RIC8B: variants seen among roughly 807,000 people sequenced by gnomAD.
RIC8B encodes the protein chaperone Ric-8B.
A neutral mutation model predicts 57.5 loss-of-function variants in RIC8B; 16 were observed. The observed-to-expected ratio is 0.28, with a 90% CI of 0.19 to 0.42. The LOEUF (loss-of-function observed/expected upper bound fraction) is 0.42. Ranked by LOEUF, RIC8B falls within the 10% of genes least tolerant of loss-of-function variation. The pLI is 1.00. For missense variants in RIC8B, 481 were observed against 677.0 expected, an observed-to-expected ratio of 0.71 and a Z score of 3.21; for synonymous variants, 216 against 250.8, an observed-to-expected ratio of 0.86 and a Z score of 1.31.
At chr12:106,796,307 G>C (rs2044480475) in intron 2 of RIC8B, among the ~76,000 whole-genome samples, 1 of 152,148 alleles carries the variant, frequency 6.6e-6, no homozygotes, top group Non-Finnish European at 1.5e-5. Context: ...GGAGGCCGAG[G>C]TGGGAGGGTC....
At chr12:106,824,400 TC>T (rs992485833) in intron 3 of RIC8B, among the ~76,000 whole-genome samples, 14 of 152,178 alleles carry the variant, frequency 9.2e-5, no homozygotes, top group Non-Finnish European at 1.9e-4. Context: ...CCTCTTCTCA[TC>T]CAGCTCTATA....
At chr12:106,799,368 T>C (rs988871594) in intron 2 of RIC8B, among the ~76,000 whole-genome samples, 1 of 152,232 alleles carries the variant, frequency 6.6e-6, no homozygotes, top group Non-Finnish European at 1.5e-5. Context: ...AGGTTTCTAA[T>C]ATATCATCTC....
At chr12:106,858,027 G>A (rs753580834) in intron 7 of RIC8B, among the ~76,000 whole-genome samples, 5 of 152,116 alleles carry the variant, frequency 3.3e-5, no homozygotes, top group Admixed American at 6.6e-5. Flanking sequence ...GAGTTGACAC[G>A]ATTTTCATAA....
chr12:106,881,745 G>C (rs1437099424), intron 9 of RIC8B, among the ~76,000 whole-genome samples: 3 of 152,056 alleles, frequency 2.0e-5, no homozygotes, highest in Admixed American at 2.0e-4. Flanking sequence ...GTGAGTCTCT[G>C]TACCAAATAT....
Position 106,886,987 on chromosome 12 carries a change from A to C in RIC8B, c.*972A>C, listed in dbSNP as rs1279796957. On this transcript the variant is annotated 3_prime_UTR_variant, in exon 10 of 10. Transcript: ENST00000392837. ...TTCTACGTTTCTACCATATGTGATC[A>C]GTTTAATAGTAACTTTATTTATTTA... 4 of 152,610 alleles carry C rather than the reference A, an allele frequency of 2.6e-5. No individual in the cohort carries two copies. The highest frequency in any genetic ancestry group is 2.6e-4 in the Admixed American group (4 of 15,270). The allele number at this position is 152,610 out of a possible 1,614,324, so 9.5% of individuals were successfully genotyped here. A position where few individuals can be genotyped will look rare whatever the true frequency, so the allele number is the denominator to read the frequency against.
At chr12:106,860,166 C>T (rs1949869834) in intron 7 of RIC8B, 102 bp from the exon 8 acceptor site, 2 of 987,956 alleles carry the variant, frequency 2.0e-6, no homozygotes, top group South Asian at 2.4e-5. Flanking sequence ...TAAAGGTTTA[C>T]TGCCATAGTG....
At chr12:106,857,245 C>T (rs903758314) in intron 7 of RIC8B, among the ~76,000 whole-genome samples, 13 of 152,068 alleles carry the variant, frequency 8.5e-5, no homozygotes, top group Admixed American at 1.3e-4. Flanking sequence ...GACACCAAGA[C>T]GAAGCCACTA....
chr12:106,871,643 C>T (rs1229025595), intron 9 of RIC8B: 2 of 152,104 alleles, frequency 1.3e-5, no homozygotes, highest in Non-Finnish European at 2.9e-5. Flanking sequence ...TCATACTTGG[C>T]TGAGTCACTC....
intron 6 of RIC8B, 117 bp downstream of exon 6, chr12:106,844,064 T>A: frequency 1.3e-6 from 1 of 753,576 alleles, no homozygotes; most frequent in Non-Finnish European, 2.2e-6. Context: ...AACTCAGTCT[T>A]AATCTTTGAA....
intron 3 of RIC8B, among the ~76,000 whole-genome samples, chr12:106,824,487 T>G (rs1422450118): frequency 6.6e-6 from 1 of 152,218 alleles, no homozygotes; most frequent in African/African-American, 2.4e-5. Context: ...CTTGCTAGAT[T>G]TTAGGAGAGA....
In RIC8B at chr12:106,860,269, GGATA is replaced by G; in HGVS notation, c.1310_1313del (p.Asp437ValfsTer3). On this transcript the variant is annotated frameshift_variant and splice_region_variant, in exon 8 of 10. Transcript: ENST00000392837. LOFTEE classifies it high-confidence loss of function. ...TAAAACCCTATTCTGTTTTTGCAGT[GGATA>G]GTCTGCTGAAATACACTGGCTATGG... 1 of 1,580,076 alleles carries G rather than the reference GGATA, an allele frequency of 6.3e-7. No homozygotes were observed. Among genetic ancestry groups the G allele is most frequent in the Non-Finnish European group, 8.6e-7 (1 of 1,165,980 alleles).
At chr12:106,807,165 G>A (rs912355706) in intron 2 of RIC8B, among the ~76,000 whole-genome samples, 1 of 152,158 alleles carries the variant, frequency 6.6e-6, no homozygotes, top group East Asian at 1.9e-4. Context: ...GTTTGTTCCA[G>A]TCCAACCCAT....
At chr12:106,858,741 A>G (rs987495521) in intron 7 of RIC8B, among the ~76,000 whole-genome samples, 75 of 152,202 alleles carry the variant, frequency 4.9e-4, no homozygotes, top group African/African-American at 1.7e-3. Context: ...TCATTAGCCC[A>G]TGTTTCCTTT....
At chr12:106,806,510 A>G (rs904140027) in intron 2 of RIC8B, among the ~76,000 whole-genome samples, 1 of 151,898 alleles carries the variant, frequency 6.6e-6, no homozygotes, top group African/African-American at 2.4e-5. Flanking sequence ...ATTTTTCTCT[A>G]GGCAATCTCA....
intron 2 of RIC8B, among the ~76,000 whole-genome samples, chr12:106,810,611 TAAATA>T (rs1488746853): frequency 6.6e-6 from 1 of 152,058 alleles, no homozygotes; most frequent in Non-Finnish European, 1.5e-5. Context: ...TGCTAAAACT[TAAATA>T]GAAAAGGAAA....
intron 1 of RIC8B, among the ~76,000 whole-genome samples, chr12:106,775,667 C>A (rs2043440421): frequency 6.6e-6 from 1 of 152,226 alleles, no homozygotes; most frequent in Non-Finnish European, 1.5e-5. Flanking sequence ...AAATCCCAGT[C>A]ACTTCTCAGA....
chr12:106,779,886 T>G lies in RIC8B; in HGVS notation c.85-4111T>G, dbSNP rs867423223. Among the ~76,000 whole-genome samples the G allele has an allele frequency of 1.2e-3, 127 of 104,040 alleles. 1 individual carries two copies. Among genetic ancestry groups the G allele is most frequent in the South Asian group, 5.3e-3 (17 of 3,196 alleles). The allele number at this position is 104,040 out of a possible 152,430, so 68.3% of individuals were successfully genotyped here. The stretch of plus-strand genomic sequence containing the variant: ...GCCTGTTCTTTTTTTTTTTTTTTTT[T>G]TTTGTGTGTGTGTGTGTGTGTAGAG... On this transcript the variant is annotated intron_variant, in intron 1 of 9. Transcript: ENST00000392837.
chr12:106,797,773 G>A (rs1410042774), intron 2 of RIC8B, among the ~76,000 whole-genome samples: 1 of 152,140 alleles, frequency 6.6e-6, no homozygotes, highest in African/African-American at 2.4e-5. Context: ...TATAAAGTAG[G>A]TAGAATTTTG....
chr12:106,790,998 C>T (rs2136193616), intron 2 of RIC8B, among the ~76,000 whole-genome samples: 1 of 152,230 alleles, frequency 6.6e-6, no homozygotes, highest in South Asian at 2.1e-4. Flanking sequence ...AAAATAGGCA[C>T]CTATAATAAA....
Sources: gnomAD v4.1 joint callset for allele counts (sites outside exome capture counted in the v4.1 genomes callset) on GRCh38, gnomAD v4.1.1 for gene constraint, MANE v1.5 for transcripts, NCBI Gene and HGNC (gene_info 2026-07-23, HGNC 2026-07-21) for gene names.